Variants in PTGER4 observed in about 807,000 individuals in gnomAD.
The protein encoded by PTGER4 is prostaglandin E2 receptor EP4 subtype.
In PTGER4, 11 loss-of-function variants were observed where a neutral mutation model predicts 33.2. That is an observed-to-expected ratio of 0.33 (90% CI 0.21 to 0.55). The LOEUF is 0.55. Ranked by LOEUF, PTGER4 falls within the 20% of genes least tolerant of loss-of-function variation. The pLI, the probability that PTGER4 is intolerant of heterozygous loss-of-function variation, is 0.92. For missense variants in PTGER4, 481 were observed against 650.2 expected (o/e 0.74, Z 2.83); for synonymous variants, 275 against 281.5 (o/e 0.98, Z 0.23).
At chr5:40,687,363 GAGGTTCAGTTTTATC>G (rs1741351767) in intron 2 of PTGER4, among the ~76,000 whole-genome samples, 1 of 152,260 alleles carries the variant, frequency 6.6e-6, no homozygotes, top group Middle Eastern at 3.4e-3. Flanking sequence ...TCCTGACTCG[GAGGTTCAGTTTTATC>G]AGCAACACAC....
the PTGER4 span, among the ~76,000 whole-genome samples, chr5:40,710,649 T>A: frequency 1.1e-4 from 16 of 152,222 alleles, no homozygotes; most frequent in African/African-American, 3.4e-4. Flanking sequence ...GTGGCACTAT[T>A]CACAATAGAA....
chr5:40,690,257 T>C (rs1188232152), intron 2 of PTGER4, among the ~76,000 whole-genome samples: 1 of 152,162 alleles, frequency 6.6e-6, no homozygotes, highest in Non-Finnish European at 1.5e-5. Context: ...GGAGGATTGC[T>C]GGAGCCTAGG....
At chr5:40,701,784 C>T in the PTGER4 span, among the ~76,000 whole-genome samples, 1 of 152,088 alleles carries the variant, frequency 6.6e-6, no homozygotes, top group Admixed American at 6.6e-5. Flanking sequence ...GACAGAGAGA[C>T]AGTGCAGGTC....
the PTGER4 span, among the ~76,000 whole-genome samples, chr5:40,723,139 A>G: frequency 6.6e-6 from 1 of 151,982 alleles, no homozygotes; most frequent in Non-Finnish European, 1.5e-5. Flanking sequence ...CTTACCCCCA[A>G]CCCCGTGCTC....
At chr5:40,743,385 T>C in the PTGER4 span, among the ~76,000 whole-genome samples, 10 of 152,214 alleles carry the variant, frequency 6.6e-5, no homozygotes, top group Non-Finnish European at 5.9e-5. Context: ...CAGTTTAAGA[T>C]GAAGTTGATT....
the PTGER4 span, chr5:40,730,379 C>G: frequency 1.9e-6 from 3 of 1,547,208 alleles, no homozygotes; most frequent in Non-Finnish European, 2.7e-6. Flanking sequence ...GCCATATTTT[C>G]AATATGCTTT....
the PTGER4 span, among the ~76,000 whole-genome samples, chr5:40,744,014 C>T: frequency 3.9e-5 from 6 of 152,138 alleles, no homozygotes; most frequent in African/African-American, 1.4e-4. Context: ...AGAGGGAATC[C>T]GATGGCAATA....
chr5:40,738,770 G>A, the PTGER4 span, among the ~76,000 whole-genome samples: 3 of 151,962 alleles, frequency 2.0e-5, no homozygotes, highest in Admixed American at 2.0e-4. Context: ...TCTCATTGTG[G>A]TTTTAATTTG....
chr5:40,724,385 G>A, the PTGER4 span, among the ~76,000 whole-genome samples: 9 of 152,038 alleles, frequency 5.9e-5, 1 homozygote, highest in South Asian at 2.1e-4. Context: ...CTGTAATCCC[G>A]GAACATTGGG....
At position 40,693,000 on chromosome 5, in the gene PTGER4, T is replaced by C. The variant is rs992931903; in HGVS notation, c.*622T>C. On this transcript the variant is annotated 3_prime_UTR_variant, in exon 3 of 3. Transcript: ENST00000302472. Reference sequence around the variant, plus strand: ...TCAAAGTTGAAAATTCATAGTAAGATTGATATCTATAAAATAGATATAAAT... The same window carrying C: ...TCAAAGTTGAAAATTCATAGTAAGACTGATATCTATAAAATAGATATAAAT... The C allele has an allele frequency of 3.7e-5, 34 of 915,666 alleles. No homozygotes were observed. Among genetic ancestry groups the C allele is most frequent in the Admixed American group, 1.2e-4 (2 of 16,154 alleles). The allele number at this position is 915,666 out of a possible 1,614,324, so 56.7% of individuals were successfully genotyped here.
At chr5:40,716,953 G>A in the PTGER4 span, among the ~76,000 whole-genome samples, 1 of 152,130 alleles carries the variant, frequency 6.6e-6, no homozygotes, top group African/African-American at 2.4e-5. Flanking sequence ...ATTTGGCTGG[G>A]CACGGTGGCT....
At chr5:40,731,682 T>C in the PTGER4 span, among the ~76,000 whole-genome samples, 26 of 152,188 alleles carry the variant, frequency 1.7e-4, no homozygotes, top group South Asian at 1.4e-3. Context: ...GTCCCATCCT[T>C]GACACGGGGA....
In PTGER4 at chr5:40,681,961, A is replaced by C; in HGVS notation, c.867+101A>C. ...TTTCCCTCTGAGTCCTTGGCAGTGAACGTGTCGCCTTTAGGTCGGGGCTGG... is the reference window on the plus strand; with the variant it reads ...TTTCCCTCTGAGTCCTTGGCAGTGACCGTGTCGCCTTTAGGTCGGGGCTGG... On this transcript the variant is annotated intron_variant, in intron 2 of 2. Transcript: ENST00000302472. The surrounding 1 kb of genome is among the most constrained non-coding windows in gnomAD (Gnocchi z 9.8). 2 of 1,371,466 alleles carry C rather than the reference A, an allele frequency of 1.5e-6. No homozygotes were observed. Among genetic ancestry groups the C allele is most frequent in the Non-Finnish European group, 1.9e-6 (2 of 1,039,136 alleles). 85.0% of individuals were successfully genotyped at this position (1,371,466 alleles called of 1,614,324 possible).
At chr5:40,728,294 A>AAAAAAAAAAAATTCAAAATAT in the PTGER4 span, 1 of 1,283,472 alleles carries the variant, frequency 7.8e-7, no homozygotes, top group Non-Finnish European at 1.0e-6. Flanking sequence ...AAAAAAAAAA[A>AAAAAAAAAAAATTCAAAATAT]AGTCAAAATA....
chr5:40,737,228 T>C, the PTGER4 span, among the ~76,000 whole-genome samples: 1 of 150,258 alleles, frequency 6.7e-6, no homozygotes, highest in African/African-American at 2.5e-5. Flanking sequence ...ACCTGGAAAG[T>C]GGAGATTGCA....
At chr5:40,735,826 G>T in the PTGER4 span, among the ~76,000 whole-genome samples, 1 of 152,144 alleles carries the variant, frequency 6.6e-6, no homozygotes, top group African/African-American at 2.4e-5. Flanking sequence ...ACAGAGAAGT[G>T]ATGACTGGAT....
At chr5:40,732,564 C>T in the PTGER4 span, among the ~76,000 whole-genome samples, 18 of 151,986 alleles carry the variant, frequency 1.2e-4, no homozygotes, top group African/African-American at 3.4e-4. Context: ...ATATGCTCTA[C>T]AGTACCCAGA....
At chr5:40,696,052 G>A (rs1051960062), downstream of PTGER4, among the ~76,000 whole-genome samples, 3 of 151,918 alleles carry the variant, frequency 2.0e-5, no homozygotes, top group African/African-American at 4.8e-5. Flanking sequence ...ACAAACACAC[G>A]TACTCCCCGA....
chr5:40,701,680 A>T, the PTGER4 span, among the ~76,000 whole-genome samples: 2 of 152,190 alleles, frequency 1.3e-5, no homozygotes, highest in African/African-American at 4.8e-5. Context: ...AAATACAGAG[A>T]ATTCCTATAA....
Sources: gnomAD v4.1 joint callset for allele counts (sites outside exome capture counted in the v4.1 genomes callset) on GRCh38, gnomAD v4.1.1 for gene constraint, Gnocchi (gnomAD v3.1) non-coding constraint, MANE v1.5 for transcripts, NCBI Gene and HGNC (gene_info 2026-07-23, HGNC 2026-07-21) for gene names.